MTG2: variants seen among roughly 807,000 people sequenced by gnomAD.
MTG2 encodes mitochondrial ribosome-associated GTPase 2.
Under a neutral mutation model 28.6 loss-of-function variants are expected in MTG2, and 23 were observed. The observed-to-expected ratio is 0.80, with a 90% CI of 0.58 to 1.14. MTG2 has a LOEUF of 1.14. Among genes scored for constraint, MTG2 ranks in the 50% most tolerant of loss-of-function variants. The pLI, the probability that MTG2 is intolerant of heterozygous loss-of-function variation, is 0.00. For missense variants in MTG2, 539 were observed against 552.0 expected (o/e 0.98, Z 0.24); for synonymous variants, 260 against 251.8 (o/e 1.03, Z -0.31).
chr20:62,185,432 TAAAAA>T (rs201534217), intron 1 of MTG2, among the ~76,000 whole-genome samples: 38 of 151,304 alleles, frequency 2.5e-4, no homozygotes, highest in African/African-American at 8.0e-4. Flanking sequence ...AAATAAAAAA[TAAAAA>T]ATAAAATATA....
At chr20:62,197,560 C>T in intron 3 of MTG2, 1 of 272,104 alleles carries the variant, frequency 3.7e-6, no homozygotes, top group Non-Finnish European at 7.2e-6. Context: ...TATATTCACA[C>T]TCAGCATAGA....
At chr20:62,193,899 G>A in intron 2 of MTG2, 1 of 436,084 alleles carries the variant, frequency 2.3e-6, no homozygotes. Context: ...TATTTTACAT[G>A]TATGTTACAT....
At chr20:62,194,748 G>A (rs887048105) in intron 2 of MTG2, among the ~76,000 whole-genome samples, 2 of 152,198 alleles carry the variant, frequency 1.3e-5, no homozygotes, top group African/African-American at 4.8e-5. Context: ...GTGCACGTGG[G>A]CAGAAGCCAG....
intron 1 of MTG2, among the ~76,000 whole-genome samples, chr20:62,185,257 C>CA: frequency 6.6e-6 from 1 of 151,486 alleles, no homozygotes; most frequent in Non-Finnish European, 1.5e-5. Flanking sequence ...ACTAAAAATA[C>CA]AAAAATTAGC....
At position 62,200,843 on chromosome 20, in the gene MTG2, G is replaced by T; in HGVS notation, c.987G>T (p.Glu329Asp). 6.2e-7 allele frequency: 1 copy of T among 1,613,984 alleles called. No homozygotes were observed. Among genetic ancestry groups the T allele is most frequent in the Non-Finnish European group, 8.5e-7 (1 of 1,180,054 alleles). ...TQVDDLKYEL[E>D]MYEKGLSARP... ...TTGACGATTTAAAATATGAACTGGA[G>T]ATGTATGAAAAGGGCCTGTCTGCGA... Residue 329 changes from glutamate to aspartate, a missense_variant, in exon 7 of 7, where the codon GAG becomes GAT. Coordinates refer to ENST00000370823, the MANE Select transcript of MTG2 (RefSeq NM_015666.4).
chr20:62,196,826 C>T (rs1192773743), intron 3 of MTG2, among the ~76,000 whole-genome samples: 5 of 151,432 alleles, frequency 3.3e-5, no homozygotes, highest in South Asian at 2.1e-4. Context: ...GTCAGGAGTT[C>T]GAGACCAGCC....
chr20:62,195,876 C>T lies in MTG2; in HGVS notation c.279C>T (p.His93=), dbSNP rs1238294808. ...GAGGCGCTGGGGCAAGCTGCTTCCACAGTGAGCCCCGCAAGGAGTTTGGAG... is the reference window on the plus strand; with the variant it reads ...GAGGCGCTGGGGCAAGCTGCTTCCATAGTGAGCCCCGCAAGGAGTTTGGAG... ...GNGGAGASCF[H]SEPRKEFGGP... The change falls in exon 3 of 7, where the codon CAC becomes CAT. Residue 93 remains histidine, a synonymous_variant. Coordinates refer to ENST00000370823, the MANE Select transcript of MTG2 (RefSeq NM_015666.4). 2 of 1,614,092 alleles carry T rather than the reference C, an allele frequency of 1.2e-6. No individual in the cohort carries two copies. Among genetic ancestry groups the T allele is most frequent in the African/African-American group, 2.7e-5 (2 of 74,946 alleles).
intron 3 of MTG2, among the ~76,000 whole-genome samples, chr20:62,196,976 G>A (rs1294463524): frequency 6.6e-6 from 1 of 152,106 alleles, no homozygotes; most frequent in Non-Finnish European, 1.5e-5. Context: ...AGGTTGCGGT[G>A]AGCTGAGATC....
At chr20:62,190,423 C>G (rs988250987) in intron 1 of MTG2, among the ~76,000 whole-genome samples, 1 of 152,218 alleles carries the variant, frequency 6.6e-6, no homozygotes, top group African/African-American at 2.4e-5. Context: ...TCCCTTCCCT[C>G]CTCAAGATCC....
intron 6 of MTG2, among the ~76,000 whole-genome samples, 182 bp downstream of exon 6, chr20:62,199,439 A>G (rs1439914356): frequency 1.3e-5 from 2 of 151,918 alleles, no homozygotes; most frequent in African/African-American, 4.8e-5. Context: ...AGGTCAGGAG[A>G]TCGACACCAT....
Position 62,198,180 on chromosome 20 carries a change from G to A in MTG2, c.468+213G>A, listed in dbSNP as rs1054565478. On this transcript the variant is annotated intron_variant, in intron 4 of 6. Transcript: ENST00000370823. ...TTTGTACCAGGGTCTCACACCATGT[G>A]CATGTCTAGTGAAAAAGTCATGAAA... 1.4e-5 allele frequency: 8 copies of A among 575,876 alleles called. No homozygotes were observed. The African/African-American group carries it at 1.5e-4, about 11-fold the overall frequency. The allele number at this position is 575,876 out of a possible 1,614,324, so 35.7% of individuals were successfully genotyped here.
At chr20:62,192,626 AG>A (rs1568785034) in intron 1 of MTG2, among the ~76,000 whole-genome samples, 1 of 152,146 alleles carries the variant, frequency 6.6e-6, no homozygotes. Context: ...TATGATGACC[AG>A]CCCCCTCCCA....
At chr20:62,198,558 T>TGCTTCAGGAAGC (rs1379877919) in intron 4 of MTG2, 76 bp from the exon 5 acceptor site, 2 of 1,465,510 alleles carry the variant, frequency 1.4e-6, no homozygotes, top group Non-Finnish European at 1.9e-6. Context: ...CCTTAGCGCT[T>TGCTTCAGGAAGC]GCTTCAGGAA....
intron 1 of MTG2, among the ~76,000 whole-genome samples, chr20:62,185,135 A>G (rs1360801389): frequency 1.3e-5 from 2 of 151,070 alleles, no homozygotes; most frequent in African/African-American, 2.4e-5. Flanking sequence ...AAAAATGGCC[A>G]GGGCGTGGTG....
At chr20:62,194,600 T>C (rs1226431940) in intron 2 of MTG2, among the ~76,000 whole-genome samples, 1 of 152,240 alleles carries the variant, frequency 6.6e-6, no homozygotes, top group African/African-American at 2.4e-5. Flanking sequence ...TTTTTTGTGT[T>C]TAAATTTTTG....
Position 62,195,884 on chromosome 20 carries a change from C to T in MTG2, c.287C>T (p.Pro96Leu). The change falls in exon 3 of 7, where the codon CCC becomes CTC. Residue 96 changes from proline to leucine, a missense_variant. Pro to Leu is a moderately conservative substitution (Grantham distance 98). Coordinates refer to ENST00000370823, the MANE Select transcript of MTG2 (RefSeq NM_015666.4). ...GGGGCAAGCTGCTTCCACAGTGAGC[C>T]CCGCAAGGAGTTTGGAGGCCCTGAT... is the stretch of plus-strand genomic sequence containing the variant. ...GAGASCFHSE[P>L]RKEFGGPDGG... 1 of 1,614,126 alleles carries T rather than the reference C, an allele frequency of 6.2e-7. No homozygotes were observed. The highest frequency in any genetic ancestry group is 2.2e-5 in the East Asian group (1 of 44,882).
At chr20:62,191,702 T>C (rs1041405457) in intron 1 of MTG2, among the ~76,000 whole-genome samples, 2 of 152,150 alleles carry the variant, frequency 1.3e-5, no homozygotes, top group Non-Finnish European at 2.9e-5. Flanking sequence ...GGGCCCCTTC[T>C]GTACACATCT....
At chr20:62,187,433 C>A (rs1228606402) in intron 1 of MTG2, among the ~76,000 whole-genome samples, 1 of 152,140 alleles carries the variant, frequency 6.6e-6, no homozygotes, top group Non-Finnish European at 1.5e-5. Context: ...TGGAATGTTA[C>A]ATGGAATTTA....
chr20:62,187,172 C>T (rs2057866470), intron 1 of MTG2, among the ~76,000 whole-genome samples: 1 of 152,178 alleles, frequency 6.6e-6, no homozygotes, highest in South Asian at 2.1e-4. Flanking sequence ...GTTTTGACTG[C>T]TTGATGTGGC....
Sources: allele counts gnomAD v4.1 joint callset (sites outside exome capture counted in the v4.1 genomes callset), GRCh38; gene constraint gnomAD v4.1.1; transcripts MANE v1.5; gene names NCBI Gene and HGNC (gene_info 2026-07-23, HGNC 2026-07-21).